Variants in DPP6 observed in about 807,000 individuals in gnomAD.
The protein encoded by DPP6 is dipeptidyl peptidase like 6.
In DPP6, 69 loss-of-function variants were observed where a neutral mutation model predicts 122.6. The ratio of observed to expected loss-of-function variants is 0.56; its 90% CI spans 0.46 to 0.69. The LOEUF (loss-of-function observed/expected upper bound fraction) is 0.69, where lower values mean the gene tolerates loss of function less well. Among genes scored for constraint, DPP6 ranks in the 30% least tolerant of loss-of-function variants. The pLI is 0.00. For missense variants in DPP6, 928 were observed against 1,116.9 expected (o/e 0.83, Z 2.41); for synonymous variants, 418 against 433.1 (o/e 0.97, Z 0.43).
chr7:154,546,171 T>G (rs1443862251), intron 4 of DPP6, among the ~76,000 whole-genome samples: 1 of 150,384 alleles, frequency 6.6e-6, no homozygotes, highest in Admixed American at 6.6e-5. Context: ...TATGTAGCGA[T>G]ACAAAAAATA....
At chr7:154,561,760 A>T (rs1830440329) in intron 4 of DPP6, among the ~76,000 whole-genome samples, 1 of 152,158 alleles carries the variant, frequency 6.6e-6, no homozygotes, top group East Asian at 1.9e-4. Context: ...TTTGGAAAAG[A>T]TCAATAAAAT....
At chr7:153,852,783 T>C in the DPP6 span, among the ~76,000 whole-genome samples, 1 of 152,234 alleles carries the variant, frequency 6.6e-6, no homozygotes, top group Non-Finnish European at 1.5e-5. Flanking sequence ...TGAAATGAAC[T>C]CTGGTATTTT....
At chr7:154,513,985 G>A (rs137865155) in intron 3 of DPP6, among the ~76,000 whole-genome samples, 1 of 152,138 alleles carries the variant, frequency 6.6e-6, no homozygotes, top group Non-Finnish European at 1.5e-5. Flanking sequence ...AATTAAGAAG[G>A]GTTAGAGGGC....
intron 1 of DPP6, among the ~76,000 whole-genome samples, chr7:154,135,758 T>C (rs903758418): frequency 1.3e-5 from 2 of 151,908 alleles, no homozygotes; most frequent in African/African-American, 2.4e-5. Context: ...TTCCTATCTG[T>C]GCACTTCCTG....
intron 1 of DPP6, among the ~76,000 whole-genome samples, chr7:153,941,055 T>A (rs1408753261): frequency 6.6e-6 from 1 of 152,190 alleles, no homozygotes; most frequent in Admixed American, 6.5e-5. Context: ...TCTACACTGA[T>A]TTTATACTGT....
At chr7:154,566,505 G>A (rs1830759380) in intron 4 of DPP6, among the ~76,000 whole-genome samples, 1 of 152,032 alleles carries the variant, frequency 6.6e-6, no homozygotes, top group Middle Eastern at 3.2e-3. Flanking sequence ...TGGCCAGGCT[G>A]GTCTTGAACT....
At chr7:154,060,603 T>TCC (rs541254261) in intron 1 of DPP6, among the ~76,000 whole-genome samples, 1 of 71,744 alleles carries the variant, frequency 1.4e-5, no homozygotes, top group Non-Finnish European at 2.7e-5. Flanking sequence ...CAGTCCCTCT[T>TCC]CCCCCCCCTG....
At chr7:154,795,096 G>A (rs757912306) in intron 11 of DPP6, among the ~76,000 whole-genome samples, 2 of 152,066 alleles carry the variant, frequency 1.3e-5, no homozygotes, top group Non-Finnish European at 2.9e-5. Flanking sequence ...TTGCTTGAGG[G>A]GAAGGAAGGA....
chr7:154,310,663 C>A (rs541430256), intron 1 of DPP6, among the ~76,000 whole-genome samples: 1 of 152,150 alleles, frequency 6.6e-6, no homozygotes, highest in Non-Finnish European at 1.5e-5. Context: ...TCAAATGCTC[C>A]ATGGAGAACA....
At chr7:154,818,363 G>A (rs1210509222) in intron 16 of DPP6, among the ~76,000 whole-genome samples, 2 of 152,152 alleles carry the variant, frequency 1.3e-5, no homozygotes, top group Non-Finnish European at 2.9e-5. Context: ...GCTCAGGGGT[G>A]ATACTGATTC....
rs767675525 is a variant in DPP6, at chr7:154,624,950, G to A, written c.628-12871G>A. Among the ~76,000 whole-genome samples, 7 of 152,130 alleles carry A rather than the reference G, an allele frequency of 4.6e-5. No individual in the cohort carries two copies. Among genetic ancestry groups the A allele is most frequent in the Non-Finnish European group, 8.8e-5 (6 of 68,022 alleles). On this transcript the variant is annotated intron_variant, in intron 5 of 25. Transcript: ENST00000377770. This position sits in a 1 kb window ranked among gnomAD's most constrained non-coding sequence, Gnocchi z 4.7. ...CCCACCTTAACACACACAACAATGTGGACACCACCATAAACTGTGACATCA... is the reference window on the plus strand; with the variant it reads ...CCCACCTTAACACACACAACAATGTAGACACCACCATAAACTGTGACATCA...
At chr7:154,878,809 C>T (rs1165919400) in intron 20 of DPP6, among the ~76,000 whole-genome samples, 1 of 152,218 alleles carries the variant, frequency 6.6e-6, no homozygotes, top group East Asian at 1.9e-4. Context: ...GGATTTTCTT[C>T]ACGATTGTTT....
intron 1 of DPP6, among the ~76,000 whole-genome samples, chr7:154,438,827 AT>A (rs1453637704): frequency 6.6e-6 from 1 of 152,164 alleles, no homozygotes; most frequent in East Asian, 1.9e-4. Context: ...GACTTGGAAT[AT>A]TTTAATCTCA....
intron 1 of DPP6, among the ~76,000 whole-genome samples, chr7:153,906,232 G>A (rs1799844972): frequency 6.6e-6 from 1 of 152,136 alleles, no homozygotes; most frequent in South Asian, 2.1e-4. Context: ...AGGGGTACAA[G>A]TGCAGTTGTG....
chr7:154,274,235 T>C (rs781755377), intron 1 of DPP6, among the ~76,000 whole-genome samples: 19 of 152,218 alleles, frequency 1.2e-4, no homozygotes, highest in Admixed American at 5.2e-4. Context: ...CCAAGGCTTC[T>C]CATTGCAAAA....
intron 1 of DPP6, among the ~76,000 whole-genome samples, chr7:154,198,520 G>T (rs185294433): frequency 2.6e-5 from 4 of 151,954 alleles, no homozygotes; most frequent in African/African-American, 9.7e-5. Flanking sequence ...CACCATGTTG[G>T]CCAGGCTGGT....
intron 1 of DPP6, among the ~76,000 whole-genome samples, chr7:154,339,248 GT>G (rs747657297): frequency 4.3e-4 from 66 of 152,228 alleles, no homozygotes; most frequent in Non-Finnish European, 7.1e-4. Context: ...GTAATTCAGA[GT>G]TTACAAGGAA....
intron 1 of DPP6, among the ~76,000 whole-genome samples, chr7:154,267,871 A>G (rs953979846): frequency 1.6e-5 from 2 of 125,848 alleles, no homozygotes; most frequent in South Asian, 3.0e-4. Context: ...ATGTGTGTGT[A>G]TATATTTATC....
intron 6 of DPP6, among the ~76,000 whole-genome samples, chr7:154,667,841 A>G (rs1838262766): frequency 6.6e-6 from 1 of 152,044 alleles, no homozygotes; most frequent in African/African-American, 2.4e-5. Flanking sequence ...CTGGTTTCTA[A>G]GCGGCAATGT....
Sources: gnomAD v4.1 joint callset for allele counts (sites outside exome capture counted in the v4.1 genomes callset) on GRCh38, gnomAD v4.1.1 for gene constraint, Gnocchi (gnomAD v3.1) non-coding constraint, MANE v1.5 for transcripts, NCBI Gene and HGNC (gene_info 2026-07-23, HGNC 2026-07-21) for gene names.